NXPH1: variants seen among roughly 807,000 people sequenced by gnomAD.
NXPH1 encodes the protein neurexophilin-1.
A neutral mutation model predicts 23.7 loss-of-function variants in NXPH1; 5 were observed. That is an observed-to-expected ratio of 0.21 (90% CI 0.11 to 0.44). The LOEUF (loss-of-function observed/expected upper bound fraction) is 0.44. Among genes scored for constraint, NXPH1 ranks in the 20% least tolerant of loss-of-function variants. NXPH1 has a pLI of 0.99. For synonymous variants in NXPH1, 144 were observed against 122.2 expected, an observed-to-expected ratio of 1.18 and a Z score of -1.18; for missense variants, 324 against 321.6, an observed-to-expected ratio of 1.01 and a Z score of -0.06.
intron 2 of NXPH1, among the ~76,000 whole-genome samples, chr7:8,694,810 C>T (rs1821279549): frequency 1.3e-5 from 2 of 152,086 alleles, no homozygotes; most frequent in Non-Finnish European, 2.9e-5. Flanking sequence ...GGCTTTCTAA[C>T]TTCTCAGAGT....
chr7:8,554,225 C>A (rs1211097882), intron 2 of NXPH1, among the ~76,000 whole-genome samples: 7 of 151,564 alleles, frequency 4.6e-5, no homozygotes, highest in African/African-American at 1.2e-4. Flanking sequence ...TAGGTGTTAA[C>A]CTTCAGGCAT....
intron 2 of NXPH1, among the ~76,000 whole-genome samples, chr7:8,640,345 T>G (rs1393135380): frequency 3.3e-5 from 5 of 151,930 alleles, no homozygotes. Context: ...ATTAATGTTT[T>G]CTCTGTAAGA....
chr7:8,735,935 A>C (rs565644573), intron 2 of NXPH1, among the ~76,000 whole-genome samples: 3 of 152,150 alleles, frequency 2.0e-5, no homozygotes, highest in Non-Finnish European at 4.4e-5. Flanking sequence ...AGTTGTTTAT[A>C]GTATTCTCTA....
At chr7:8,530,557 C>G (rs542674309) in intron 2 of NXPH1, among the ~76,000 whole-genome samples, 12 of 152,250 alleles carry the variant, frequency 7.9e-5, no homozygotes, top group African/African-American at 2.9e-4. Context: ...AGCAGTTGCT[C>G]CAGAAGGTCG....
chr7:8,612,838 T>C (rs889193038), intron 2 of NXPH1, among the ~76,000 whole-genome samples: 1 of 152,042 alleles, frequency 6.6e-6, no homozygotes, highest in Non-Finnish European at 1.5e-5. Context: ...CTATTGCTGA[T>C]ATTAGATAAA....
rs916195694 is a variant in NXPH1 at position 8,572,542 on chromosome 7, G to T, written c.54+136775G>T. Among the ~76,000 whole-genome samples, 5 of 151,982 alleles carry T rather than the reference G, an allele frequency of 3.3e-5. No individual in the cohort carries two copies. In the South Asian group the frequency reaches 8.3e-4, roughly 25 times the overall value. The stretch of plus-strand genomic sequence containing the variant: ...AGACAGTCTATTATTAAGGTGTAAG[G>T]TATCAAACAAACAGTAGACATAGAG... On this transcript the variant is annotated intron_variant, in intron 2 of 2. Transcript: ENST00000405863.
At chr7:8,554,042 T>A (rs956599276) in intron 2 of NXPH1, among the ~76,000 whole-genome samples, 3 of 151,718 alleles carry the variant, frequency 2.0e-5, no homozygotes, top group Non-Finnish European at 3.0e-5. Flanking sequence ...AGTGTGGTTT[T>A]AATCTACTGT....
chr7:8,726,426 C>A (rs1224186344), intron 2 of NXPH1, among the ~76,000 whole-genome samples: 1 of 151,288 alleles, frequency 6.6e-6, no homozygotes, highest in African/African-American at 2.4e-5. Flanking sequence ...TGCTGGTGCG[C>A]TGCACCCACT....
chr7:8,726,192 G>C (rs1221956297), intron 2 of NXPH1, among the ~76,000 whole-genome samples: 1 of 151,854 alleles, frequency 6.6e-6, no homozygotes, highest in East Asian at 1.9e-4. Context: ...ATTAATACCA[G>C]TGGCTAATAG....
chr7:8,603,131 C>T (rs1562421610), intron 2 of NXPH1, among the ~76,000 whole-genome samples: 1 of 152,092 alleles, frequency 6.6e-6, no homozygotes, highest in South Asian at 2.1e-4. Context: ...TCTTTTGCAG[C>T]TCTTAGCATA....
At chr7:8,564,362 C>G (rs531562878) in intron 2 of NXPH1, among the ~76,000 whole-genome samples, 1 of 151,908 alleles carries the variant, frequency 6.6e-6, no homozygotes, top group African/African-American at 2.4e-5. Flanking sequence ...GCGTATGGTA[C>G]TTGAGAATGA....
intron 2 of NXPH1, among the ~76,000 whole-genome samples, chr7:8,501,990 TG>T (rs1305792397): frequency 2.0e-5 from 3 of 151,866 alleles, no homozygotes; most frequent in African/African-American, 7.2e-5. Context: ...CATCTGAGTT[TG>T]GAGTGATCTT....
At chr7:8,680,580 T>G (rs1187290376) in intron 2 of NXPH1, among the ~76,000 whole-genome samples, 1 of 152,192 alleles carries the variant, frequency 6.6e-6, no homozygotes, top group East Asian at 1.9e-4. Flanking sequence ...GAAACAAAAC[T>G]AAAAATATGT....
At chr7:8,720,190 T>A (rs1277974654) in intron 2 of NXPH1, among the ~76,000 whole-genome samples, 3 of 152,342 alleles carry the variant, frequency 2.0e-5, no homozygotes, top group African/African-American at 7.2e-5. Context: ...ATGAACTGAA[T>A]CACCAAAATG....
chr7:8,720,705 T>C (rs536924931), intron 2 of NXPH1, among the ~76,000 whole-genome samples: 19 of 152,338 alleles, frequency 1.2e-4, no homozygotes, highest in African/African-American at 4.6e-4. Context: ...GCTAAATGAC[T>C]TACTAGGCGA....
chr7:8,717,894 GTATATA>G (rs3059127), intron 2 of NXPH1, among the ~76,000 whole-genome samples: 1 of 147,152 alleles, frequency 6.8e-6, no homozygotes, highest in Non-Finnish European at 1.5e-5. Context: ...CTCTCTGTGT[GTATATA>G]TATATATATA....
rs1816321543 is a variant in NXPH1, at chr7:8,442,595, C to G, written c.54+6828C>G. Among the ~76,000 whole-genome samples, 1 of 152,190 alleles carries G rather than the reference C, an allele frequency of 6.6e-6. No homozygotes were observed. On this transcript the variant is annotated intron_variant, in intron 2 of 2. Coordinates refer to ENST00000405863, the MANE Select transcript of NXPH1 (RefSeq NM_152745.3). This position sits in a 1 kb window ranked among gnomAD's most constrained non-coding sequence, Gnocchi z 4.6. ...TTCGTCTTCTACAAGAAGCAAGAAA[C>G]TTTTTTCGACGTAGGCTTCATACCC...
intron 2 of NXPH1, among the ~76,000 whole-genome samples, chr7:8,516,871 G>A (rs192400492): frequency 5.3e-5 from 8 of 152,234 alleles, no homozygotes; most frequent in Non-Finnish European, 8.8e-5. Context: ...GAAGGTGGAT[G>A]GAAAGAAAGA....
At chr7:8,639,434 T>C (rs1428273576) in intron 2 of NXPH1, among the ~76,000 whole-genome samples, 1 of 152,144 alleles carries the variant, frequency 6.6e-6, no homozygotes, top group African/African-American at 2.4e-5. Flanking sequence ...AAAAGAGTAC[T>C]TATTTACATA....
Sources: allele counts gnomAD v4.1 joint callset (sites outside exome capture counted in the v4.1 genomes callset), GRCh38; gene constraint gnomAD v4.1.1; non-coding constraint Gnocchi (gnomAD v3.1); transcripts MANE v1.5; gene names NCBI Gene and HGNC (gene_info 2026-07-23, HGNC 2026-07-21).